Variants in LDB2 observed in about 807,000 individuals in gnomAD.
The protein encoded by LDB2 is LIM domain-binding protein 2.
LDB2 carries 12 observed loss-of-function variants against 44.3 expected under a neutral mutation model. That is an observed-to-expected ratio of 0.27 (90% confidence interval 0.17 to 0.44). The LOEUF is 0.44. LDB2 is among the 20% of genes least tolerant of loss of function. The pLI, the probability that LDB2 is intolerant of heterozygous loss-of-function variation, is 1.00. For missense variants in LDB2, 344 were observed against 473.5 expected, an observed-to-expected ratio of 0.73 and a Z score of 2.54; for synonymous variants, 164 against 174.8, an observed-to-expected ratio of 0.94 and a Z score of 0.49.
At chr4:16,679,056 A>G (rs1747103984) in intron 2 of LDB2, among the ~76,000 whole-genome samples, 1 of 152,246 alleles carries the variant, frequency 6.6e-6, no homozygotes, top group Non-Finnish European at 1.5e-5. Flanking sequence ...ACACAAATTT[A>G]CTGAGACTAT....
intron 1 of LDB2, among the ~76,000 whole-genome samples, chr4:16,897,497 G>T (rs1031495351): frequency 1.3e-5 from 2 of 152,128 alleles, no homozygotes; most frequent in African/African-American, 4.8e-5. Flanking sequence ...TAAATTGCAG[G>T]AGGCGAGTCT....
intron 1 of LDB2, among the ~76,000 whole-genome samples, chr4:16,866,650 A>T (rs932697103): frequency 1.3e-5 from 2 of 152,186 alleles, no homozygotes; most frequent in Admixed American, 1.3e-4. Flanking sequence ...ATATTCAGTC[A>T]AAGAAAGGAG....
intron 2 of LDB2, among the ~76,000 whole-genome samples, chr4:16,699,595 T>C (rs578168341): frequency 2.0e-4 from 31 of 152,242 alleles, no homozygotes; most frequent in African/African-American, 7.0e-4. Context: ...GAGAAGTATA[T>C]AGAGTATTTA....
intron 1 of LDB2, among the ~76,000 whole-genome samples, chr4:16,833,124 AG>A (rs542546775): frequency 3.3e-4 from 50 of 152,328 alleles, no homozygotes; most frequent in African/African-American, 1.2e-3. Context: ...AAAATCTGAA[AG>A]AAAAGAAATC....
At chr4:16,826,744 A>C (rs932654619) in intron 1 of LDB2, among the ~76,000 whole-genome samples, 1 of 152,202 alleles carries the variant, frequency 6.6e-6, no homozygotes, top group Non-Finnish European at 1.5e-5. Context: ...TATTCATTTG[A>C]CTGCAAATGC....
At chr4:16,838,792 G>A (rs1465268149) in intron 1 of LDB2, among the ~76,000 whole-genome samples, 1 of 152,180 alleles carries the variant, frequency 6.6e-6, no homozygotes, top group East Asian at 1.9e-4. Context: ...CATGCACTGA[G>A]CAAAGAATAA....
At chr4:16,798,153 G>C (rs1777101601) in intron 1 of LDB2, among the ~76,000 whole-genome samples, 1 of 151,940 alleles carries the variant, frequency 6.6e-6, no homozygotes, top group African/African-American at 2.4e-5. Context: ...GGGTTATTGT[G>C]AGAATTCAAT....
rs1725975291 is a variant in LDB2, at chr4:16,898,562, C to G, written c.-77G>C. 1 of 1,496,714 alleles carries G rather than the reference C, an allele frequency of 6.7e-7. No homozygotes were observed. Among genetic ancestry groups the G allele is most frequent in the Non-Finnish European group, 9.2e-7 (1 of 1,089,618 alleles). The allele number at this position is 1,496,714 out of a possible 1,614,324, so 92.7% of individuals were successfully genotyped here. A position where few individuals can be genotyped will look rare whatever the true frequency, so the allele number is the denominator to read the frequency against. On this transcript the variant is annotated 5_prime_UTR_variant, in exon 1 of 8. Coordinates refer to ENST00000304523, the MANE Select transcript of LDB2 (RefSeq NM_001290.5). ...CAGAGCACATGGGCTGTGTTCTTCC[C>G]AGTACAAAGTAGACGCACGCACACA...
chr4:16,575,360 A>G (rs1040249160), intron 5 of LDB2, among the ~76,000 whole-genome samples: 16 of 152,198 alleles, frequency 1.1e-4, no homozygotes, highest in Non-Finnish European at 2.9e-5. Context: ...AATGCTTAAA[A>G]AAAATAACAC....
At chr4:16,650,992 C>T (rs1169536008) in intron 2 of LDB2, among the ~76,000 whole-genome samples, 1 of 152,210 alleles carries the variant, frequency 6.6e-6, no homozygotes, top group African/African-American at 2.4e-5. Context: ...GTATCAGCAA[C>T]TTTCCTCCTT....
intron 5 of LDB2, among the ~76,000 whole-genome samples, chr4:16,542,081 C>G (rs868242064): frequency 1.0e-5 from 1 of 98,584 alleles, no homozygotes; most frequent in Non-Finnish European, 1.8e-5. Context: ...AACAATCCTC[C>G]TTCCAATTAC....
At chr4:16,701,437 T>C (rs978923023) in intron 2 of LDB2, among the ~76,000 whole-genome samples, 1 of 152,174 alleles carries the variant, frequency 6.6e-6, no homozygotes, top group Non-Finnish European at 1.5e-5. Context: ...GTTGTTTCCT[T>C]ATCAGAACAA....
intron 1 of LDB2, among the ~76,000 whole-genome samples, chr4:16,781,656 G>A (rs1773258807): frequency 6.6e-6 from 1 of 152,122 alleles, no homozygotes; most frequent in Admixed American, 6.5e-5. Context: ...ATCTTTTTCA[G>A]AATAAGAGTA....
chr4:16,550,455 A>C, intron 5 of LDB2, among the ~76,000 whole-genome samples: 1 of 152,244 alleles, frequency 6.6e-6, no homozygotes, highest in East Asian at 1.9e-4. Context: ...AGCTCTCAGA[A>C]GCAAATGGAG....
chr4:16,866,759 C>G (rs189386095), intron 1 of LDB2, among the ~76,000 whole-genome samples: 2 of 152,236 alleles, frequency 1.3e-5, no homozygotes, highest in East Asian at 3.9e-4. Context: ...GTAACAGCAC[C>G]AAGACTATTA....
At chr4:16,640,672 T>C (rs1216044854) in intron 2 of LDB2, among the ~76,000 whole-genome samples, 1 of 152,218 alleles carries the variant, frequency 6.6e-6, no homozygotes, top group African/African-American at 2.4e-5. Context: ...CTTCAATCTC[T>C]GTATAAGGAA....
At chr4:16,792,701 A>T (rs112976122) in intron 1 of LDB2, among the ~76,000 whole-genome samples, 7 of 152,306 alleles carry the variant, frequency 4.6e-5, no homozygotes, top group African/African-American at 1.4e-4. Flanking sequence ...CCTCCCAGTT[A>T]TCCATGTCCC....
At chr4:16,727,510 A>C (rs1300142237) in intron 2 of LDB2, among the ~76,000 whole-genome samples, 1 of 152,172 alleles carries the variant, frequency 6.6e-6, no homozygotes, top group Non-Finnish European at 1.5e-5. Context: ...TGGGGAATGC[A>C]GTTGAAACGC....
At chr4:16,758,339 G>T (rs77142781) in intron 2 of LDB2, among the ~76,000 whole-genome samples, 2,493 of 152,216 alleles carry the variant, frequency 0.016, 41 homozygotes, top group East Asian at 0.079. Context: ...TTCCATGGCT[G>T]GTTCCCTCAT....
Sources: gnomAD v4.1 joint callset for allele counts (sites outside exome capture counted in the v4.1 genomes callset) on GRCh38, gnomAD v4.1.1 for gene constraint, MANE v1.5 for transcripts, NCBI Gene and HGNC (gene_info 2026-07-23, HGNC 2026-07-21) for gene names.